The following NKAIN2 variants were observed in gnomAD, a reference collection of about 807,000 sequenced individuals.
The protein encoded by NKAIN2 is sodium/potassium transporting ATPase interacting 2, also known as sodium/potassium-transporting ATPase subunit beta-1-interacting protein 2.
A neutral mutation model predicts 32.6 loss-of-function variants in NKAIN2; 14 were observed. The ratio of observed to expected loss-of-function variants is 0.43; its 90% CI spans 0.28 to 0.67. The LOEUF (loss-of-function observed/expected upper bound fraction) is 0.67, where lower values mean the gene tolerates loss of function less well. Ranked by LOEUF, NKAIN2 falls within the 30% of genes least tolerant of loss-of-function variation. NKAIN2 has a pLI of 0.17. For missense variants in NKAIN2, 198 were observed against 258.3 expected (o/e 0.77, Z 1.60); for synonymous variants, 80 against 87.2 (o/e 0.92, Z 0.46).
chr6:124,613,690 C>G (rs771715934), intron 3 of NKAIN2, among the ~76,000 whole-genome samples: 5 of 152,120 alleles, frequency 3.3e-5, no homozygotes, highest in Admixed American at 6.6e-5. Context: ...AAAGCGCTAC[C>G]TAGTGAGTTC....
At chr6:124,672,180 T>C (rs1395372628) in intron 4 of NKAIN2, among the ~76,000 whole-genome samples, 1 of 152,076 alleles carries the variant, frequency 6.6e-6, no homozygotes, top group Non-Finnish European at 1.5e-5. Flanking sequence ...GAAAGAATTA[T>C]AAGTCTGCAA....
chr6:124,765,918 A>G (rs1778494040), intron 4 of NKAIN2, among the ~76,000 whole-genome samples: 1 of 152,218 alleles, frequency 6.6e-6, no homozygotes, highest in Non-Finnish European at 1.5e-5. Context: ...AGGGAACAAT[A>G]CTTGACTCTC....
chr6:124,412,003 G>T (rs980106336), intron 3 of NKAIN2, among the ~76,000 whole-genome samples: 43 of 152,252 alleles, frequency 2.8e-4, no homozygotes, highest in Non-Finnish European at 4.6e-4. Flanking sequence ...TTCATCACGT[G>T]GTTCTCGTGC....
intron 1 of NKAIN2, among the ~76,000 whole-genome samples, chr6:124,118,221 C>G (rs1479630799): frequency 6.6e-6 from 1 of 151,922 alleles, no homozygotes; most frequent in East Asian, 1.9e-4. Context: ...TATATCCAAC[C>G]TTAATTTAAA....
At position 124,525,332 on chromosome 6, in the gene NKAIN2, A is replaced by G. The variant is rs552006209; in HGVS notation, c.274-132854A>G. Among the ~76,000 whole-genome samples, 77 of 152,246 alleles carry G rather than the reference A, an allele frequency of 5.1e-4. No individual in the cohort carries two copies. In the South Asian group the frequency reaches 0.014, roughly 28 times the overall value. On this transcript the variant is annotated intron_variant, in intron 3 of 6. Transcript: ENST00000368417. ...TTAGATGATGTAAAAGCAATACCAA[A>G]TGAGGTATTGATAAAATTTGTATCT...
intron 3 of NKAIN2, among the ~76,000 whole-genome samples, chr6:124,359,668 T>A (rs575834983): frequency 6.6e-6 from 1 of 152,178 alleles, no homozygotes; most frequent in African/African-American, 2.4e-5. Context: ...TAAGGAGATT[T>A]TGGGCTGAGA....
At chr6:124,527,565 G>A (rs1002896577) in intron 3 of NKAIN2, among the ~76,000 whole-genome samples, 4 of 152,226 alleles carry the variant, frequency 2.6e-5, no homozygotes, top group South Asian at 2.1e-4. Context: ...GAAAAACTTG[G>A]TAAGATCAAA....
chr6:124,538,026 T>C (rs950271995), intron 3 of NKAIN2, among the ~76,000 whole-genome samples: 4 of 152,302 alleles, frequency 2.6e-5, no homozygotes, highest in Non-Finnish European at 4.4e-5. Flanking sequence ...TCATAATCTC[T>C]CATTTTAAAT....
chr6:124,252,132 G>T lies in NKAIN2; in HGVS notation c.55-30873G>T, dbSNP rs139201434. Among the ~76,000 whole-genome samples the T allele has an allele frequency of 1.2e-3, 189 of 152,072 alleles. 1 individual carries two copies. Among genetic ancestry groups the T allele is most frequent in the African/African-American group, 4.4e-3 (181 of 41,528 alleles). On this transcript the variant is annotated intron_variant, in intron 1 of 6. Coordinates refer to ENST00000368417, the MANE Select transcript of NKAIN2 (RefSeq NM_001040214.3). ...CATGTGTGCAGGTATGTGCTCATGC[G>T]TGGTTCACATAGTCACACAAATATA...
At chr6:124,287,739 T>G (rs1795620579) in intron 2 of NKAIN2, among the ~76,000 whole-genome samples, 1 of 152,138 alleles carries the variant, frequency 6.6e-6, no homozygotes, top group African/African-American at 2.4e-5. Flanking sequence ...GCATCATCAT[T>G]TGGGGAAGTA....
chr6:123,868,826 G>A (rs1772719978), intron 1 of NKAIN2, among the ~76,000 whole-genome samples: 1 of 152,064 alleles, frequency 6.6e-6, no homozygotes, highest in Non-Finnish European at 1.5e-5. Context: ...ATAATATTAG[G>A]AAACATTAAT....
chr6:124,444,426 A>G lies in NKAIN2; in HGVS notation c.273+89079A>G, dbSNP rs553297194. On this transcript the variant is annotated intron_variant, in intron 3 of 6. Transcript: ENST00000368417. The stretch of plus-strand genomic sequence containing the variant: ...TAACTAGCTTGAGTAGCTCAAAACC[A>G]TTTTAAATTCCTAACTGGGATGGTT... Among the ~76,000 whole-genome samples the G allele has an allele frequency of 3.9e-5, 6 of 152,170 alleles. No homozygotes were observed. The South Asian group carries it at 1.2e-3, about 32-fold the overall frequency.
chr6:124,441,912 G>A (rs977661962), intron 3 of NKAIN2, among the ~76,000 whole-genome samples: 4 of 151,912 alleles, frequency 2.6e-5, no homozygotes, highest in African/African-American at 9.7e-5. Flanking sequence ...TATTCTAGCA[G>A]GTTGAATAGT....
intron 1 of NKAIN2, among the ~76,000 whole-genome samples, chr6:123,852,388 A>G (rs1049006491): frequency 7.9e-5 from 12 of 152,026 alleles, no homozygotes; most frequent in African/African-American, 2.9e-4. Context: ...AGGTCTCTTG[A>G]ATTTTTTCTT....
In NKAIN2 at chr6:124,336,180, A is replaced by G. The variant is rs148732834; in HGVS notation, c.193-19087A>G. Among the ~76,000 whole-genome samples the G allele has an allele frequency of 3.0e-3, 462 of 152,338 alleles. 2 individuals are homozygous for G. Among genetic ancestry groups the G allele is most frequent in the African/African-American group, 0.011 (443 of 41,586 alleles). ...TGGCAGATACCTCTATTCTTCTGTT[A>G]ACAGAATCCTAATTTGCTCCAGGAG... On this transcript the variant is annotated intron_variant, in intron 2 of 6. Coordinates refer to ENST00000368417, the MANE Select transcript of NKAIN2 (RefSeq NM_001040214.3).
At chr6:124,631,988 A>G (rs1783587927) in intron 3 of NKAIN2, among the ~76,000 whole-genome samples, 1 of 152,148 alleles carries the variant, frequency 6.6e-6, no homozygotes, top group African/African-American at 2.4e-5. Context: ...ACTGCAGGAA[A>G]ATAGGTGGTT....
At chr6:124,577,235 G>A (rs1781365934) in intron 3 of NKAIN2, among the ~76,000 whole-genome samples, 1 of 152,046 alleles carries the variant, frequency 6.6e-6, no homozygotes, top group African/African-American at 2.4e-5. Flanking sequence ...ACCTTCATAA[G>A]AACCAAAATC....
At chr6:124,675,977 T>C (rs902864434) in intron 4 of NKAIN2, among the ~76,000 whole-genome samples, 4 of 152,176 alleles carry the variant, frequency 2.6e-5, no homozygotes, top group Admixed American at 6.5e-5. Flanking sequence ...TGTAAACTGC[T>C]TTCTTCATAC....
intron 1 of NKAIN2, 31 bp from the exon 2 acceptor site, chr6:124,282,974 C>T: frequency 2.5e-6 from 4 of 1,608,606 alleles, no homozygotes; most frequent in Non-Finnish European, 3.4e-6. Context: ...TTCTCACATG[C>T]TGATCTGTCC....
Sources: allele counts gnomAD v4.1 joint callset (sites outside exome capture counted in the v4.1 genomes callset), GRCh38; gene constraint gnomAD v4.1.1; transcripts MANE v1.5; gene names NCBI Gene and HGNC (gene_info 2026-07-23, HGNC 2026-07-21).